MIP: variants seen among roughly 807,000 people sequenced by gnomAD.
The protein encoded by MIP is major intrinsic protein of lens fiber, also known as lens fiber major intrinsic protein.
A neutral mutation model predicts 21.8 loss-of-function variants in MIP; 14 were observed. That is an observed-to-expected ratio of 0.64 (90% CI 0.42 to 1.00). MIP has a LOEUF of 1.00. Among genes scored for constraint, MIP ranks in the 50% least tolerant of loss-of-function variants. The pLI, the probability that MIP is intolerant of heterozygous loss-of-function variation, is 0.00. For synonymous variants in MIP, 133 were observed against 141.4 expected (o/e 0.94, Z 0.42); for missense variants, 260 against 333.5 (o/e 0.78, Z 1.72).
chr12:56,453,534 G>A lies in MIP; in HGVS notation c.525+57C>T, dbSNP rs543263451. On this transcript the variant is annotated intron_variant, in intron 2 of 3. Coordinates refer to ENST00000652304, the MANE Select transcript of MIP (RefSeq NM_012064.4). ...GGCAGGAAGAACCCTTAAAAGTTGG[G>A]AAAGGTTTAGGGGCCCCGGAATCCT... The A allele has an allele frequency of 1.1e-5, 17 of 1,600,636 alleles. No individual in the cohort carries two copies. In the African/African-American group the frequency reaches 1.5e-4, roughly 14 times the overall value.
At position 56,454,516 on chromosome 12, in the gene MIP, C is replaced by T. The variant is rs139963297; in HGVS notation, c.98G>A (p.Arg33His). The T allele has an allele frequency of 3.5e-5, 56 of 1,612,860 alleles. No homozygotes were observed. Among genetic ancestry groups the T allele is most frequent in the East Asian group, 2.9e-4 (13 of 44,886 alleles). ...YVFFGLGSSL[R>H]WAPGPLHVLQ... ...AACATGCAGGGGTCCAGGAGCCCAG[C>T]GCAGTGAGGACCCCAGCCCAAAGAA... The change falls in exon 1 of 4, where the codon CGC becomes CAC. Residue 33 changes from arginine to histidine, a missense_variant. Transcript: ENST00000652304.
upstream of MIP, among the ~76,000 whole-genome samples, chr12:56,455,125 A>T (rs1396816274): frequency 6.6e-6 from 1 of 151,970 alleles, no homozygotes; most frequent in Non-Finnish European, 1.5e-5. Flanking sequence ...TCAGCAGGGA[A>T]GTTGGATAAC....
Position 56,450,940 on chromosome 12 carries a change from C to A in MIP, c.*340G>T. On this transcript the variant is annotated 3_prime_UTR_variant, in exon 4 of 4. Coordinates refer to ENST00000652304, the MANE Select transcript of MIP (RefSeq NM_012064.4). The stretch of plus-strand genomic sequence containing the variant: ...TTACCCAGTACTCACCATACTGGGT[C>A]GAGGAAGGGAGGTATAGGATGGCAC... 3.0e-6 allele frequency: 1 copy of A among 331,816 alleles called. No individual in the cohort carries two copies. Among genetic ancestry groups the A allele is most frequent in the Non-Finnish European group, 5.7e-6 (1 of 174,468 alleles). The allele number at this position is 331,816 out of a possible 1,614,324, so 20.6% of individuals were successfully genotyped here.
intron 1 of MIP, 83 bp from the exon 2 acceptor site, chr12:56,453,838 G>T: frequency 7.1e-7 from 1 of 1,405,570 alleles, no homozygotes; most frequent in Non-Finnish European, 9.9e-7. Context: ...CAAGGATCTC[G>T]TTACGGCATC....
In MIP at chr12:56,449,700, G is replaced by A. The variant is rs1244340708; in HGVS notation, c.*1580C>T. On this transcript the variant is annotated 3_prime_UTR_variant, in exon 4 of 4. Coordinates refer to ENST00000652304, the MANE Select transcript of MIP (RefSeq NM_012064.4). ...GGTTTTATTTGGGAGGAAGTAAAGA[G>A]CTGAAGTACAGGGAGGAATGGTCTT... 1 of 152,182 alleles carries A rather than the reference G, an allele frequency of 6.6e-6. No individual in the cohort carries two copies. 9.4% of individuals were successfully genotyped at this position (152,182 alleles called of 1,614,324 possible).
intron 3 of MIP, among the ~76,000 whole-genome samples, chr12:56,452,352 T>C (rs1868647598): frequency 1.3e-5 from 2 of 152,238 alleles, no homozygotes; most frequent in South Asian, 2.1e-4. Context: ...GTGGTATGTG[T>C]CACAATTTCC....
At chr12:56,456,116 G>A (rs138556923), upstream of MIP, among the ~76,000 whole-genome samples, 30 of 152,268 alleles carry the variant, frequency 2.0e-4, no homozygotes, top group Middle Eastern at 3.4e-3. Context: ...CTATATTCTA[G>A]AAGCCTCATC....
In MIP at chr12:56,454,631, C is replaced by T; in HGVS notation, c.-18G>A. The stretch of plus-strand genomic sequence containing the variant: ...TCCCACATGGCAGGGGGGATGGTCA[C>T]AGTGCCTGGGTCCCTGCTACCCCCA... On this transcript the variant is annotated 5_prime_UTR_variant, in exon 1 of 4. In the 5' UTR this introduces an upstream ATG that the reference lacks. Transcript: ENST00000652304. 6.2e-7 allele frequency: 1 copy of T among 1,613,278 alleles called. No homozygotes were observed. Among genetic ancestry groups the T allele is most frequent in the Non-Finnish European group, 8.5e-7 (1 of 1,179,904 alleles).
chr12:56,452,969 A>G, intron 3 of MIP, 103 bp downstream of exon 3: 1 of 826,814 alleles, frequency 1.2e-6, no homozygotes, highest in South Asian at 1.3e-5. Context: ...GTGCTGGTAC[A>G]GCAGCCAACA....
At position 56,453,810 on chromosome 12, in the gene MIP, T is replaced by C. The variant is rs1868702395; in HGVS notation, c.361-55A>G. 8.3e-6 allele frequency: 13 copies of C among 1,557,222 alleles called. No individual in the cohort carries two copies. The South Asian group carries it at 1.4e-4, about 16-fold the overall frequency. On this transcript the variant is annotated intron_variant, in intron 1 of 3. Transcript: ENST00000652304. ...TCAGGAGGGCTGCCACAGTGTTACCTCCTCAAGACTTCCCCGGCAAGGATC... is the reference window on the plus strand; with the variant it reads ...TCAGGAGGGCTGCCACAGTGTTACCCCCTCAAGACTTCCCCGGCAAGGATC...
Position 56,454,269 on chromosome 12 carries a change from G to A in MIP, c.345C>T (p.Asn115=). ...YSVTPPAVRG[N]LALNTLHPAV... ...CAACCATTACCGTGTTGAGTGCTAG[G>A]TTTCCTCGGACAGCAGGTGGGGTAA... The change falls in exon 1 of 4, where the codon AAC becomes AAT. Residue 115 remains asparagine, a synonymous_variant. Coordinates refer to ENST00000652304, the MANE Select transcript of MIP (RefSeq NM_012064.4). 5 of 1,614,130 alleles carry A rather than the reference G, an allele frequency of 3.1e-6. No homozygotes were observed. Among genetic ancestry groups the A allele is most frequent in the Non-Finnish European group, 4.2e-6 (5 of 1,180,034 alleles).
upstream of MIP, among the ~76,000 whole-genome samples, chr12:56,456,210 G>A (rs867854136): frequency 3.3e-5 from 5 of 152,302 alleles, no homozygotes; most frequent in Middle Eastern, 0.01. Context: ...GCTGGCCTCA[G>A]GAAGCATGCA....
chr12:56,455,756 T>C (rs1868773262), upstream of MIP, among the ~76,000 whole-genome samples: 1 of 152,096 alleles, frequency 6.6e-6, no homozygotes, highest in South Asian at 2.1e-4. Context: ...GACATACTGA[T>C]AGGTTCTACC....
At chr12:56,454,730 GC>G, upstream of MIP, 1 of 1,322,226 alleles carries the variant, frequency 7.6e-7, no homozygotes, top group South Asian at 1.3e-5. Flanking sequence ...GAGGTAGCAG[GC>G]CCAGCCTCTT....
At position 56,453,647 on chromosome 12, in the gene MIP, G is replaced by T. The variant is rs532144818; in HGVS notation, c.469C>A (p.Leu157Met). ...ATYDERRNGQ[L>M]GSVALAVGFS... ...CCAACGGCCAGGGCCACGGAGCCCA[G>T]TTGGCCATTCCGCCTCTCGTCGTAT... The change falls in exon 2 of 4, where the codon CTG becomes ATG. Residue 157 changes from leucine (L) to methionine (M), a missense_variant. Coordinates refer to ENST00000652304, the MANE Select transcript of MIP (RefSeq NM_012064.4). The T allele has an allele frequency of 2.5e-6, 4 of 1,614,258 alleles. No individual in the cohort carries two copies. Among genetic ancestry groups the T allele is most frequent in the African/African-American group, 2.7e-5 (2 of 75,074 alleles).
rs1868512784 is a variant in MIP at position 56,449,547 on chromosome 12, G to A, written c.*1733C>T. 6.6e-6 allele frequency: 1 copy of A among 152,264 alleles called. No homozygotes were observed. The highest frequency in any genetic ancestry group is 1.5e-5 in the Non-Finnish European group (1 of 68,040). The allele number at this position is 152,264 out of a possible 1,614,324, so 9.4% of individuals were successfully genotyped here. A position where few individuals can be genotyped will look rare whatever the true frequency, so the allele number is the denominator to read the frequency against. ...ATGTGAGGTCGATCTAAAAATCACA[G>A]CGCTATGAATTTTCTGCTGAATTAT... On this transcript the variant is annotated 3_prime_UTR_variant, in exon 4 of 4. Transcript: ENST00000652304.
chr12:56,456,356 G>A (rs1418014828), upstream of MIP, among the ~76,000 whole-genome samples: 1 of 152,184 alleles, frequency 6.6e-6, no homozygotes, highest in Non-Finnish European at 1.5e-5. Context: ...GACAGAACCA[G>A]CTGGGTGCGG....
At position 56,451,083 on chromosome 12, in the gene MIP, C is replaced by T; in HGVS notation, c.*197G>A. 3.4e-6 allele frequency: 2 copies of T among 584,038 alleles called. No individual in the cohort carries two copies. Among genetic ancestry groups the T allele is most frequent in the Non-Finnish European group, 6.0e-6 (2 of 331,666 alleles). 36.2% of individuals were successfully genotyped at this position (584,038 alleles called of 1,614,324 possible). A position where few individuals can be genotyped will look rare whatever the true frequency, so the allele number is the denominator to read the frequency against. Reference sequence around the variant, plus strand: ...TGGGATGGGGAGGAAGGGAAGTTTGCACCAACCAGCTCATGAATGCAACTT... The same window carrying T: ...TGGGATGGGGAGGAAGGGAAGTTTGTACCAACCAGCTCATGAATGCAACTT... On this transcript the variant is annotated 3_prime_UTR_variant, in exon 4 of 4. Coordinates refer to ENST00000652304, the MANE Select transcript of MIP (RefSeq NM_012064.4).
At chr12:56,452,925 G>T (rs1210591924) in intron 3 of MIP, 147 bp downstream of exon 3, 1 of 717,592 alleles carries the variant, frequency 1.4e-6, no homozygotes, top group South Asian at 1.5e-5. Context: ...GCTCACACAG[G>T]CATGCCAAAC....
Sources: allele counts gnomAD v4.1 joint callset (sites outside exome capture counted in the v4.1 genomes callset), GRCh38; gene constraint gnomAD v4.1.1; transcripts MANE v1.5; gene names NCBI Gene and HGNC (gene_info 2026-07-23, HGNC 2026-07-21).